Variants in RNF169 observed in about 807,000 individuals in gnomAD.
RNF169 encodes E3 ubiquitin-protein ligase RNF169.
RNF169 carries 24 observed loss-of-function variants against 53.9 expected under a neutral mutation model. That is an observed-to-expected ratio of 0.45 (90% CI 0.32 to 0.63). The LOEUF (loss-of-function observed/expected upper bound fraction) is 0.63, where lower values mean the gene tolerates loss of function less well. Ranked by LOEUF, RNF169 falls within the 20% of genes least tolerant of loss-of-function variation. The pLI, the probability that RNF169 is intolerant of heterozygous loss-of-function variation, is 0.04. For missense variants in RNF169, 883 were observed against 906.2 expected, an observed-to-expected ratio of 0.97 and a Z score of 0.33; for synonymous variants, 396 against 363.5, an observed-to-expected ratio of 1.09 and a Z score of -1.02.
At chr11:74,829,804 T>A (rs1268744685) in intron 4 of RNF169, among the ~76,000 whole-genome samples, 2 of 151,972 alleles carry the variant, frequency 1.3e-5, no homozygotes, top group African/African-American at 4.8e-5. Context: ...TGAGAACTCA[T>A]GGACACATGT....
intron 1 of RNF169, among the ~76,000 whole-genome samples, chr11:74,762,124 G>A (rs1260837062): frequency 4.0e-5 from 6 of 148,624 alleles, no homozygotes; most frequent in African/African-American, 1.3e-4. Flanking sequence ...CATTCTTCAT[G>A]TAGTTCTCAA....
intron 1 of RNF169, among the ~76,000 whole-genome samples, chr11:74,763,020 T>C (rs2035112882): frequency 6.6e-6 from 1 of 152,148 alleles, no homozygotes; most frequent in Non-Finnish European, 1.5e-5. Context: ...AAGGGTGGGC[T>C]AGAAAAAGAA....
intron 1 of RNF169, among the ~76,000 whole-genome samples, chr11:74,753,791 G>C (rs2034938565): frequency 6.6e-6 from 1 of 152,106 alleles, no homozygotes; most frequent in African/African-American, 2.4e-5. Context: ...TAAAGAGTTT[G>C]TGTTTTCTTG....
chr11:74,822,285 A>C (rs2036023551), intron 4 of RNF169, among the ~76,000 whole-genome samples: 1 of 152,152 alleles, frequency 6.6e-6, no homozygotes, highest in Non-Finnish European at 1.5e-5. Flanking sequence ...CCCTTTAAGC[A>C]GTGTTTTGTA....
chr11:74,801,189 T>G (rs147790897), intron 2 of RNF169, among the ~76,000 whole-genome samples: 1 of 152,350 alleles, frequency 6.6e-6, no homozygotes, highest in East Asian at 1.9e-4. Context: ...GTCAGATGCT[T>G]TGGTGCTATT....
chr11:74,784,918 G>T (rs936319711), intron 1 of RNF169, among the ~76,000 whole-genome samples: 12 of 152,116 alleles, frequency 7.9e-5, no homozygotes, highest in Admixed American at 7.9e-4. Context: ...TGCTGTGTAT[G>T]TGTACGTGTA....
At chr11:74,779,049 T>A (rs1008064225) in intron 1 of RNF169, among the ~76,000 whole-genome samples, 9 of 152,272 alleles carry the variant, frequency 5.9e-5, no homozygotes, top group Non-Finnish European at 1.3e-4. Flanking sequence ...GGTCTGTCCA[T>A]AATCAGCCTA....
At chr11:74,755,915 A>G (rs888459332) in intron 1 of RNF169, among the ~76,000 whole-genome samples, 41 of 152,216 alleles carry the variant, frequency 2.7e-4, no homozygotes, top group African/African-American at 9.9e-4. Flanking sequence ...TTTATCCTAT[A>G]AAGCTCTTAA....
intron 1 of RNF169, among the ~76,000 whole-genome samples, chr11:74,777,963 G>A (rs910591910): frequency 6.6e-6 from 1 of 152,120 alleles, no homozygotes; most frequent in African/African-American, 2.4e-5. Context: ...CTAATCCAGA[G>A]ATTAGCAAAC....
chr11:74,780,716 A>G (rs147492638), intron 1 of RNF169, among the ~76,000 whole-genome samples: 32 of 152,368 alleles, frequency 2.1e-4, no homozygotes, highest in African/African-American at 7.5e-4. Flanking sequence ...ATTGTAGCAG[A>G]CAAAAACTCC....
chr11:74,803,649 A>G (rs1210049152), intron 2 of RNF169, among the ~76,000 whole-genome samples: 2 of 152,208 alleles, frequency 1.3e-5, no homozygotes, highest in Admixed American at 1.3e-4. Context: ...ATCATCACCC[A>G]GCACCTGAGG....
intron 3 of RNF169, among the ~76,000 whole-genome samples, chr11:74,812,822 T>C (rs2035891762): frequency 6.6e-6 from 1 of 152,140 alleles, no homozygotes; most frequent in South Asian, 2.1e-4. Flanking sequence ...TTTTAATGAC[T>C]CCTCTTTTCT....
chr11:74,835,561 C>G lies in RNF169; in HGVS notation c.958C>G (p.Pro320Ala), dbSNP rs2036240811. 6.2e-7 allele frequency: 1 copy of G among 1,613,842 alleles called. No homozygotes were observed. The highest frequency in any genetic ancestry group is 1.7e-5 in the Admixed American group (1 of 60,016). ...TCTCTTTCAGGTCACAACTATGACT[C>G]CAGCCTCCAACCCCATCATTGGTGT... ...GNKAKVTTMT[P>A]ASNPIIGVLL... Residue 320 changes from proline to alanine, a missense_variant, in exon 6 of 6, where the codon CCA becomes GCA. Coordinates refer to ENST00000299563, the MANE Select transcript of RNF169 (RefSeq NM_001098638.2).
In RNF169 at chr11:74,840,286, G is replaced by A. The variant is rs2036336585; in HGVS notation, c.*3556G>A. On this transcript the variant is annotated 3_prime_UTR_variant, in exon 6 of 6. Coordinates refer to ENST00000299563, the MANE Select transcript of RNF169 (RefSeq NM_001098638.2). ...ATGCATTTGAATGTATGTGTGGCTG[G>A]AGAGTTCATTTATGGTCTTAGGAAA... The A allele has an allele frequency of 6.6e-6, 1 of 152,164 alleles. No individual in the cohort carries two copies. The highest frequency in any genetic ancestry group is 2.4e-5 in the African/African-American group (1 of 41,436). The allele number at this position is 152,164 out of a possible 1,614,324, so 9.4% of individuals were successfully genotyped here.
intron 1 of RNF169, among the ~76,000 whole-genome samples, chr11:74,784,575 G>A (rs150312481): frequency 7.4e-4 from 113 of 152,314 alleles, no homozygotes; most frequent in African/African-American, 2.6e-3. Flanking sequence ...TTGTGACAAC[G>A]TATGAAATGT....
At position 74,837,035 on chromosome 11, in the gene RNF169, G is replaced by A; in HGVS notation, c.*305G>A. 2 of 243,690 alleles carry A rather than the reference G, an allele frequency of 8.2e-6. No homozygotes were observed. Among genetic ancestry groups the A allele is most frequent in the Non-Finnish European group, 1.6e-5 (2 of 125,372 alleles). 15.1% of individuals were successfully genotyped at this position (243,690 alleles called of 1,614,324 possible). On this transcript the variant is annotated 3_prime_UTR_variant, in exon 6 of 6. Transcript: ENST00000299563. ...TGGCCACAGTTAGTAATGGTAAAGA[G>A]GGGATACCTTCTTAAACTGATAGAC...
At chr11:74,783,233 G>A (rs1270803406) in intron 1 of RNF169, among the ~76,000 whole-genome samples, 1 of 150,060 alleles carries the variant, frequency 6.7e-6, no homozygotes, top group Non-Finnish European at 1.5e-5. Context: ...CTATCTTGTA[G>A]TTTGTTTTGT....
intron 1 of RNF169, among the ~76,000 whole-genome samples, chr11:74,785,941 CTTT>C (rs796451609): frequency 3.9e-4 from 51 of 130,204 alleles, no homozygotes; most frequent in African/African-American, 1.3e-3. Flanking sequence ...GTTTTCTTTT[CTTT>C]TTTTTTTTTT....
intron 4 of RNF169, among the ~76,000 whole-genome samples, chr11:74,829,015 C>T (rs2036137798): frequency 6.6e-6 from 1 of 152,188 alleles, no homozygotes; most frequent in South Asian, 2.1e-4. Flanking sequence ...AACTAAAGAG[C>T]TTCTGCACAG....
Sources: gnomAD v4.1 joint callset for allele counts (sites outside exome capture counted in the v4.1 genomes callset) on GRCh38, gnomAD v4.1.1 for gene constraint, MANE v1.5 for transcripts, NCBI Gene and HGNC (gene_info 2026-07-23, HGNC 2026-07-21) for gene names.